DOCK1: variants seen among roughly 807,000 people sequenced by gnomAD.
DOCK1 encodes the protein dedicator of cytokinesis 1, also known as dedicator of cytokinesis protein 1.
A neutral mutation model predicts 262.7 loss-of-function variants in DOCK1; 138 were observed. The observed-to-expected ratio is 0.53, with a 90% CI of 0.46 to 0.61. DOCK1 has a LOEUF of 0.61. Among genes scored for constraint, DOCK1 ranks in the 20% least tolerant of loss-of-function variants. DOCK1 has a pLI of 0.00. For missense variants in DOCK1, 1,908 were observed against 2,370.7 expected, an observed-to-expected ratio of 0.80 and a Z score of 4.05; for synonymous variants, 866 against 867.4, an observed-to-expected ratio of 1.00 and a Z score of 0.03.
At chr10:127,109,405 G>A (rs541850995) in intron 24 of DOCK1, among the ~76,000 whole-genome samples, 36 of 152,282 alleles carry the variant, frequency 2.4e-4, no homozygotes, top group Admixed American at 1.9e-3. Context: ...ATTTACAAAC[G>A]ATAAAGTCAC....
At chr10:127,233,404 A>G (rs943134068) in intron 27 of DOCK1, among the ~76,000 whole-genome samples, 5 of 152,228 alleles carry the variant, frequency 3.3e-5, no homozygotes, top group African/African-American at 1.2e-4. Flanking sequence ...AAACAAAGCT[A>G]TATATTTACA....
At chr10:127,172,000 C>T (rs1364904417) in intron 27 of DOCK1, among the ~76,000 whole-genome samples, 6 of 152,196 alleles carry the variant, frequency 3.9e-5, no homozygotes, top group Non-Finnish European at 7.3e-5. Context: ...CCACCGTGCC[C>T]GGCCTCCACT....
At chr10:127,193,214 C>T (rs1295697740) in intron 27 of DOCK1, among the ~76,000 whole-genome samples, 1 of 152,158 alleles carries the variant, frequency 6.6e-6, no homozygotes, top group Non-Finnish European at 1.5e-5. Context: ...GGTTGTGGTG[C>T]TTCACATTTA....
intron 43 of DOCK1, among the ~76,000 whole-genome samples, chr10:127,413,623 G>A (rs2067986932): frequency 6.6e-6 from 1 of 152,202 alleles, no homozygotes; most frequent in Non-Finnish European, 1.5e-5. Context: ...GCCTGCGTGA[G>A]GAGGAGCTGG....
Position 127,142,486 on chromosome 10 carries a change from A to G in DOCK1, c.2847+14722A>G, listed in dbSNP as rs150206003. Among the ~76,000 whole-genome samples the G allele has an allele frequency of 1.6e-3, 251 of 152,266 alleles. 1 individual carries two copies. The highest frequency in any genetic ancestry group is 5.8e-3 in the African/African-American group (243 of 41,560). ...TCCTGGGGAGGAGCAGCAGCCTGGA[A>G]AAAGTCCTGATTCTTGAGATTCAAA... On this transcript the variant is annotated intron_variant, in intron 27 of 51. Transcript: ENST00000623213.
chr10:127,404,510 G>A lies in DOCK1; in HGVS notation c.4122+81G>A, dbSNP rs910877437. ...CCTTCCCGTTCTGAGGAAGGGTGGG[G>A]AGTTTGCATCCGCGTGGGATCGTGC... On this transcript the variant is annotated intron_variant, in intron 40 of 51. Transcript: ENST00000623213. The A allele has an allele frequency of 7.2e-6, 10 of 1,389,564 alleles. No individual in the cohort carries two copies. In the South Asian group the frequency reaches 7.4e-5, roughly 10 times the overall value. The allele number at this position is 1,389,564 out of a possible 1,614,324, so 86.1% of individuals were successfully genotyped here. A position where few individuals can be genotyped will look rare whatever the true frequency, so the allele number is the denominator to read the frequency against.
At chr10:127,277,963 T>A (rs1490717273) in intron 29 of DOCK1, among the ~76,000 whole-genome samples, 1 of 152,220 alleles carries the variant, frequency 6.6e-6, no homozygotes, top group South Asian at 2.1e-4. Flanking sequence ...AATATTTCAT[T>A]AAAACAGTTA....
chr10:127,005,938 A>G (rs145447304), intron 10 of DOCK1, among the ~76,000 whole-genome samples: 1 of 152,302 alleles, frequency 6.6e-6, no homozygotes, highest in African/African-American at 2.4e-5. Flanking sequence ...CAAACCTAGC[A>G]TTATCTTATG....
intron 43 of DOCK1, among the ~76,000 whole-genome samples, chr10:127,413,082 T>C (rs147178412): frequency 2.7e-3 from 411 of 152,280 alleles, no homozygotes; most frequent in African/African-American, 9.5e-3. Flanking sequence ...GCACTAACGC[T>C]AGTGTTTATA....
intron 29 of DOCK1, among the ~76,000 whole-genome samples, chr10:127,291,567 G>A (rs977539164): frequency 3.3e-5 from 5 of 152,134 alleles, no homozygotes; most frequent in Admixed American, 1.3e-4. Context: ...AGACAGTAGC[G>A]CCCTGTCGGG....
chr10:127,079,398 A>C (rs2046767555), intron 23 of DOCK1, among the ~76,000 whole-genome samples: 1 of 152,172 alleles, frequency 6.6e-6, no homozygotes, highest in Non-Finnish European at 1.5e-5. Flanking sequence ...TCTCTCTCCA[A>C]ACAAAGTGGT....
At chr10:126,927,561 C>G (rs1395291924) in intron 1 of DOCK1, among the ~76,000 whole-genome samples, 1 of 152,044 alleles carries the variant, frequency 6.6e-6, no homozygotes, top group African/African-American at 2.4e-5. Flanking sequence ...CTCAGCCTCC[C>G]GAGTAGCTAG....
chr10:127,335,563 T>C (rs12259922), intron 29 of DOCK1, among the ~76,000 whole-genome samples: 62,411 of 151,404 alleles, frequency 0.41, 13,160 homozygotes, highest in East Asian at 0.53. Context: ...TTTTTTTTTT[T>C]TTGAGATGGA....
At chr10:127,026,452 A>G in intron 16 of DOCK1, 28 bp downstream of exon 16, 1 of 1,557,710 alleles carries the variant, frequency 6.4e-7, no homozygotes, top group Non-Finnish European at 8.7e-7. Context: ...TTCTTCCCCC[A>G]AGTATTTTTA....
intron 48 of DOCK1, among the ~76,000 whole-genome samples, chr10:127,434,547 ACT>A (rs1282412300): frequency 6.6e-6 from 1 of 151,756 alleles, no homozygotes; most frequent in African/African-American, 2.4e-5. Context: ...CCAAACTGAA[ACT>A]CTGTACCCAT....
intron 32 of DOCK1, among the ~76,000 whole-genome samples, chr10:127,356,343 T>C (rs2064142632): frequency 6.6e-6 from 1 of 152,240 alleles, no homozygotes; most frequent in Non-Finnish European, 1.5e-5. Flanking sequence ...TCAGTCTTTC[T>C]GGGCCGTTAG....
chr10:127,123,163 C>A (rs577262248), intron 25 of DOCK1, among the ~76,000 whole-genome samples: 1 of 152,322 alleles, frequency 6.6e-6, no homozygotes, highest in South Asian at 2.1e-4. Flanking sequence ...CTTCAGAAGA[C>A]GGCTTCTAAG....
At chr10:127,335,635 C>T (rs555141818) in intron 29 of DOCK1, among the ~76,000 whole-genome samples, 12 of 151,984 alleles carry the variant, frequency 7.9e-5, no homozygotes, top group East Asian at 3.9e-4. Context: ...GCAACCTCTG[C>T]CTCCCGGGTT....
At chr10:126,966,178 G>A (rs2037661939) in intron 1 of DOCK1, among the ~76,000 whole-genome samples, 1 of 152,058 alleles carries the variant, frequency 6.6e-6, no homozygotes, top group African/African-American at 2.4e-5. Context: ...CCATGTTGTT[G>A]GGAATGACAA....
Sources: allele counts gnomAD v4.1 joint callset (sites outside exome capture counted in the v4.1 genomes callset), GRCh38; gene constraint gnomAD v4.1.1; transcripts MANE v1.5; gene names NCBI Gene and HGNC (gene_info 2026-07-23, HGNC 2026-07-21).